KLHL13: variants seen among roughly 807,000 people sequenced by gnomAD.
KLHL13 encodes kelch like family member 13.
A neutral mutation model predicts 37.1 loss-of-function variants in KLHL13; 10 were observed. The ratio of observed to expected loss-of-function variants is 0.27; its 90% CI spans 0.17 to 0.46. The LOEUF is 0.46. Ranked by LOEUF, KLHL13 falls within the 20% of genes least tolerant of loss-of-function variation. The probability of loss-of-function intolerance (pLI) is 1.00; values close to 1 mark genes in which losing one functional copy is unlikely to be tolerated. For synonymous variants in KLHL13, 163 were observed against 181.2 expected (o/e 0.90, Z 0.81); for missense variants, 360 against 509.3 (o/e 0.71, Z 2.82).
In KLHL13 at chrX:117,930,338, A is replaced by AAGGCAGGC. The variant is rs1196852934; in HGVS notation, c.241-9976_241-9969dup. 9.6e-4 allele frequency among the ~76,000 whole-genome samples: 99 copies of AAGGCAGGC among 103,635 alleles called. 2 individuals carry two copies. Among genetic ancestry groups the AAGGCAGGC allele is most frequent in the African/African-American group, 3.4e-3 (91 of 27,097 alleles). The allele number at this position is 103,635 out of a possible 115,157, so 90.0% of individuals were successfully genotyped here. Reference sequence around the variant, plus strand: ...GCAGGCAGGAAGGCAGGAAGGCAGGAAGGCAGGCAGGCAGGCAGGCAGGCT... The same window carrying AAGGCAGGC: ...GCAGGCAGGAAGGCAGGAAGGCAGGAAGGCAGGCAGGCAGGCAGGCAGGCAGGCAGGCT... On this transcript the variant is annotated intron_variant, in intron 2 of 6. Coordinates refer to ENST00000262820, the Ensembl canonical transcript of KLHL13.
chrX:117,913,320 G>A, intron 4 of KLHL13, among the ~76,000 whole-genome samples: 1 of 111,546 alleles, frequency 9.0e-6, no homozygotes, highest in African/African-American at 3.3e-5. Flanking sequence ...ATGGATAATT[G>A]GATATCCATA....
At chrX:118,059,168 A>C (rs903291204) in intron 1 of KLHL13, among the ~76,000 whole-genome samples, 1 of 112,135 alleles carries the variant, frequency 8.9e-6, no homozygotes, top group Non-Finnish European at 1.9e-5. Context: ...CAGATCCTAC[A>C]GCATCTCTAA....
intron 1 of KLHL13, among the ~76,000 whole-genome samples, chrX:118,107,876 AC>A (rs758554321): frequency 1.1e-4 from 12 of 111,325 alleles, no homozygotes; most frequent in Non-Finnish European, 2.3e-4. Context: ...ACATGGTGAA[AC>A]CCTGTCTCTA....
chrX:117,973,957 T>C (rs762499866), upstream of KLHL13, among the ~76,000 whole-genome samples: 1 of 109,330 alleles, frequency 9.1e-6, no homozygotes, highest in South Asian at 4.1e-4. Flanking sequence ...CTATAGGGAT[T>C]AGCGATTGTC....
At chrX:118,071,167 T>C (rs1486006673) in intron 1 of KLHL13, among the ~76,000 whole-genome samples, 1 of 112,006 alleles carries the variant, frequency 8.9e-6, no homozygotes, top group East Asian at 2.8e-4. Context: ...TGTTAGACAT[T>C]TGGGTTGGTT....
chrX:118,092,852 A>C (rs962777187), intron 1 of KLHL13, among the ~76,000 whole-genome samples: 4 of 111,823 alleles, frequency 3.6e-5, no homozygotes, highest in African/African-American at 1.3e-4. Flanking sequence ...CATTTGGGGA[A>C]ACTGGGTGAC....
intron 5 of KLHL13, among the ~76,000 whole-genome samples, chrX:117,906,027 A>G (rs1203718444): frequency 9.0e-6 from 1 of 111,373 alleles, no homozygotes; most frequent in African/African-American, 3.3e-5. Flanking sequence ...TTGTTAAATG[A>G]CTTTCCCATC....
At position 117,913,153 on chromosome X, in the gene KLHL13, G is replaced by C. The variant is rs771601136; in HGVS notation, c.571-3057C>G. Among the ~76,000 whole-genome samples, 60 of 111,126 alleles carry C rather than the reference G, an allele frequency of 5.4e-4. 1 individual carries two copies. The highest frequency in any genetic ancestry group is 1.3e-3 in the Admixed American group (14 of 10,461). On this transcript the variant is annotated intron_variant, in intron 4 of 6. Transcript: ENST00000262820. The stretch of plus-strand genomic sequence containing the variant: ...TGGAATTATAGTAAACAATGGCCCA[G>C]AGAAATACATAATATTCTATTATGG...
intron 1 of KLHL13, among the ~76,000 whole-genome samples, chrX:118,040,348 C>T (rs2054494000): frequency 9.0e-6 from 1 of 110,827 alleles, no homozygotes; most frequent in African/African-American, 3.3e-5. Flanking sequence ...TGATGAACCT[C>T]AATGAAATTA....
rs774316250 is a variant in KLHL13, at chrX:117,909,511, C to T, written c.1156G>A (p.Val386Ile). The change falls in exon 5 of 7, where the codon GTC becomes ATC. Residue 386 changes from valine (V) to isoleucine (I), a missense_variant. Coordinates refer to ENST00000262820, the Ensembl canonical transcript of KLHL13. ...ACCACATAGAGAAAATTTCCAATGA[C>T]GGCGATGCCATGCTGGTACCTTGGG... 7 of 1,209,533 alleles carry T rather than the reference C, an allele frequency of 5.8e-6. No homozygotes were observed. The highest frequency in any genetic ancestry group is 3.5e-5 in the South Asian group (2 of 56,724).
chrX:118,082,342 A>T (rs984717420), intron 1 of KLHL13, among the ~76,000 whole-genome samples: 4 of 111,402 alleles, frequency 3.6e-5, no homozygotes. Context: ...TCTGATTTGC[A>T]TTTCTCTGAT....
intron 3 of KLHL13, 112 bp from the exon 5 acceptor site, chrX:117,919,829 G>C: frequency 1.8e-6 from 1 of 547,067 alleles, no homozygotes; most frequent in Non-Finnish European, 3.0e-6. Context: ...TATATAAGCA[G>C]TCATATTAGA....
chrX:117,930,226 AAGGAAGGAAGGAAGGG>A (rs1421544781), intron 2 of KLHL13, among the ~76,000 whole-genome samples: 155 of 85,957 alleles, frequency 1.8e-3, no homozygotes, highest in African/African-American at 7.2e-3. Flanking sequence ...AGAAGGAAGG[AAGGAAGGAAGGAAGGG>A]AGGAAGGAAG....
chrX:117,945,656 G>A (rs1933286405), intron 1 of KLHL13, 81 bp from the exon 3 acceptor site: 4 of 833,948 alleles, frequency 4.8e-6, no homozygotes, highest in Middle Eastern at 7.0e-4. Flanking sequence ...AAAATAATCA[G>A]TCACTATTGC....
intron 1 of KLHL13, among the ~76,000 whole-genome samples, chrX:118,048,584 T>C (rs1338086485): frequency 8.9e-6 from 1 of 111,883 alleles, no homozygotes; most frequent in East Asian, 2.8e-4. Context: ...TTTGGAATTT[T>C]CTAATAAAGA....
intron 1 of KLHL13, among the ~76,000 whole-genome samples, chrX:118,021,565 G>C (rs1028858423): frequency 1.8e-5 from 2 of 110,266 alleles, no homozygotes; most frequent in African/African-American, 6.7e-5. Flanking sequence ...CAAAGGACAT[G>C]AACTCATCAT....
chrX:118,019,416 A>T (rs6646031), intron 1 of KLHL13, among the ~76,000 whole-genome samples: 1 of 108,686 alleles, frequency 9.2e-6, no homozygotes, highest in African/African-American at 3.5e-5. Flanking sequence ...GAGTAGGTTG[A>T]AAAAATTTTC....
chrX:118,047,059 G>A (rs1164353601), intron 1 of KLHL13, among the ~76,000 whole-genome samples: 1 of 111,726 alleles, frequency 9.0e-6, no homozygotes. Flanking sequence ...GGTAAAGATG[G>A]CCTTTCAAAC....
At chrX:117,903,510 T>TG in intron 5 of KLHL13, among the ~76,000 whole-genome samples, 1 of 109,294 alleles carries the variant, frequency 9.1e-6, no homozygotes, top group Middle Eastern at 4.8e-3. Flanking sequence ...CCAGTACTGT[T>TG]GTTTTTTTTT....
Sources: gnomAD v4.1 joint callset for allele counts (sites outside exome capture counted in the v4.1 genomes callset) on GRCh38, gnomAD v4.1.1 for gene constraint, MANE v1.5 for transcripts, NCBI Gene and HGNC (gene_info 2026-07-23, HGNC 2026-07-21) for gene names.